The following GZMM variants were observed in gnomAD, a reference collection of about 807,000 sequenced individuals.
The protein encoded by GZMM is granzyme M.
Under a neutral mutation model 19.2 loss-of-function variants are expected in GZMM, and 23 were observed. That is an observed-to-expected ratio of 1.20 (90% CI 0.86 to 1.69). The LOEUF is 1.69. GZMM is among the 40% of genes most tolerant of loss of function. The probability of loss-of-function intolerance (pLI) is 0.00; values close to 1 mark genes in which losing one functional copy is unlikely to be tolerated. For missense variants in GZMM, 373 were observed against 352.2 expected, an observed-to-expected ratio of 1.06 and a Z score of -0.47; for synonymous variants, 178 against 160.2, an observed-to-expected ratio of 1.11 and a Z score of -0.84.
chr19:546,110 T>C (rs559244961), intron 1 of GZMM, among the ~76,000 whole-genome samples: 25 of 152,278 alleles, frequency 1.6e-4, no homozygotes, highest in African/African-American at 5.8e-4. Flanking sequence ...CAAAGCATGA[T>C]GGGGATTCAG....
In GZMM at chr19:545,642, C is replaced by T. The variant is rs572369292; in HGVS notation, c.55+1516C>T. On this transcript the variant is annotated intron_variant, in intron 1 of 4. Transcript: ENST00000264553. ...GATTACAGGCGTGAGCCACCGCGCC[C>T]GGCCTATTTTTTTTTTTTAAGATGG... is the stretch of plus-strand genomic sequence containing the variant. Among the ~76,000 whole-genome samples, 114 of 150,776 alleles carry T rather than the reference C, an allele frequency of 7.6e-4. 1 individual carries two copies. In the Middle Eastern group the frequency reaches 0.014, roughly 19 times the overall value.
At chr19:545,118 C>G (rs997096664) in intron 1 of GZMM, among the ~76,000 whole-genome samples, 1 of 151,560 alleles carries the variant, frequency 6.6e-6, no homozygotes. Context: ...TCCTTTCTCC[C>G]GTGCTTCTGT....
chr19:549,696 T>A lies in GZMM; in HGVS notation c.679T>A (p.Ser227Thr). 1 of 1,613,804 alleles carries A rather than the reference T, an allele frequency of 6.2e-7. No individual in the cohort carries two copies. Among genetic ancestry groups the A allele is most frequent in the Non-Finnish European group, 8.5e-7 (1 of 1,179,904 alleles). ...GTTGGCCAGAGTCCTGTCCTTCAGC[T>A]CCAGGGTCTGCACTGACATCTTCAA... The part of the protein sequence containing the change: ...RVLARVLSFS[S>T]RVCTDIFKPP... The change falls in exon 5 of 5, where the codon TCC (serine) becomes ACC (threonine). Residue 227 changes from serine (S) to threonine (T), a missense_variant. Ser to Thr is a moderately conservative substitution (Grantham distance 58). Transcript: ENST00000264553.
chr19:547,540 C>T (rs948004680), intron 2 of GZMM, 104 bp downstream of exon 2: 2 of 899,540 alleles, frequency 2.2e-6, no homozygotes, highest in East Asian at 6.4e-5. Flanking sequence ...CATTGTGGGA[C>T]CCCCGTCCCC....
rs1173818534 is a variant in GZMM at position 544,141 on chromosome 19, G to T, written c.55+15G>T. ...CCTGTCAGTAGGTGAGTGGGAGCCG[G>T]GATGCAGGGGGGACACTGAGGCCCA... On this transcript the variant is annotated intron_variant, in intron 1 of 4. Coordinates refer to ENST00000264553, the MANE Select transcript of GZMM (RefSeq NM_005317.4). The T allele has an allele frequency of 9.7e-6, 15 of 1,548,756 alleles. No homozygotes were observed. In the Admixed American group the frequency reaches 2.9e-4, roughly 30 times the overall value.
intron 1 of GZMM, among the ~76,000 whole-genome samples, chr19:546,109 A>G (rs540212825): frequency 1.3e-5 from 2 of 152,272 alleles, no homozygotes; most frequent in East Asian, 3.9e-4. Context: ...TCAAAGCATG[A>G]TGGGGATTCA....
In GZMM at chr19:548,914, A is replaced by G; in HGVS notation, c.349-8A>G. 6.6e-7 allele frequency: 1 copy of G among 1,518,800 alleles called. No homozygotes were observed. The highest frequency in any genetic ancestry group is 8.8e-7 in the Non-Finnish European group (1 of 1,130,300). The allele number at this position is 1,518,800 out of a possible 1,614,324, so 94.1% of individuals were successfully genotyped here. A position where few individuals can be genotyped will look rare whatever the true frequency, so the allele number is the denominator to read the frequency against. ...CCCTGCTCACCTGCCCCTTCCTGTC[A>G]CTCGTAGCTGGACGGGAAAGTGAAG... is the stretch of plus-strand genomic sequence containing the variant. On this transcript the variant is annotated splice_polypyrimidine_tract_variant and splice_region_variant and intron_variant, in intron 3 of 4. Coordinates refer to ENST00000264553, the MANE Select transcript of GZMM (RefSeq NM_005317.4).
At chr19:544,975 C>T (rs1032337070) in intron 1 of GZMM, among the ~76,000 whole-genome samples, 6 of 150,354 alleles carry the variant, frequency 4.0e-5, no homozygotes, top group African/African-American at 7.3e-5. Context: ...CCCTCCTTCC[C>T]TCCACCCGTC....
intron 3 of GZMM, 78 bp downstream of exon 3, chr19:548,755 C>CT: frequency 4.7e-6 from 6 of 1,288,608 alleles, no homozygotes; most frequent in Non-Finnish European, 6.5e-6. Context: ...TGCGCCCTCC[C>CT]CCCGCTGCCG....
chr19:549,883 C>G lies in GZMM; in HGVS notation c.*92C>G. The G allele has an allele frequency of 1.7e-6, 1 of 589,974 alleles. No homozygotes were observed. The highest frequency in any genetic ancestry group is 1.6e-5 in the South Asian group (1 of 60,716). 36.5% of individuals were successfully genotyped at this position (589,974 alleles called of 1,614,324 possible). A position where few individuals can be genotyped will look rare whatever the true frequency, so the allele number is the denominator to read the frequency against. On this transcript the variant is annotated 3_prime_UTR_variant, in exon 5 of 5. Transcript: ENST00000264553. ...GGTGGGTGAGGACGGGTGGGAGGGA[C>G]AGGGAGGGACCAATAAATCATAATG... is the stretch of plus-strand genomic sequence containing the variant.
chr19:549,502 C>T (rs547224436), intron 4 of GZMM, 128 bp from the exon 5 acceptor site: 90 of 976,762 alleles, frequency 9.2e-5, no homozygotes, highest in Non-Finnish European at 1.1e-4. Context: ...ACGCGTGGGC[C>T]GGGAGCAGCC....
At chr19:544,889 C>T (rs1183142964) in intron 1 of GZMM, among the ~76,000 whole-genome samples, 1 of 150,682 alleles carries the variant, frequency 6.6e-6, no homozygotes, top group Non-Finnish European at 1.5e-5. Flanking sequence ...TCCGCCAGTC[C>T]ATCCACCCAT....
At chr19:546,761 C>T (rs923246526) in intron 1 of GZMM, among the ~76,000 whole-genome samples, 1 of 151,990 alleles carries the variant, frequency 6.6e-6, no homozygotes, top group South Asian at 2.1e-4. Flanking sequence ...TGGCATGAAC[C>T]CAGGAGGCGG....
chr19:545,099 A>ATCCCTCCTTCCTCCCTCCCTTCT (rs370859891), intron 1 of GZMM, among the ~76,000 whole-genome samples: 1 of 141,242 alleles, frequency 7.1e-6, no homozygotes, highest in Admixed American at 7.0e-5. Flanking sequence ...TCCTCCTTCC[A>ATCCCTCCTTCCTCCCTCCCTTCT]TCCCTCCTTC....
At position 548,974 on chromosome 19, in the gene GZMM, G is replaced by C. The variant is rs199699879; in HGVS notation, c.401G>C (p.Ser134Thr). The change falls in exon 4 of 5, where the codon AGT becomes ACT. Residue 134 changes from serine to threonine, a missense_variant. Coordinates refer to ENST00000264553, the MANE Select transcript of GZMM (RefSeq NM_005317.4). The stretch of plus-strand genomic sequence containing the variant: ...ACCATCCGGCCGTTGGCCCTGCCCA[G>C]TAAGCGCCAGGTGGTGGCAGCAGGG... Reference protein sequence around the residue: ...SRTIRPLALPSKRQVVAAGTR... With the variant: ...SRTIRPLALPTKRQVVAAGTR... 1 of 1,601,774 alleles carries C rather than the reference G, an allele frequency of 6.2e-7. No individual in the cohort carries two copies. Among genetic ancestry groups the C allele is most frequent in the South Asian group, 1.1e-5 (1 of 89,848 alleles).
At chr19:546,770 G>A (rs532126463) in intron 1 of GZMM, among the ~76,000 whole-genome samples, 15 of 152,054 alleles carry the variant, frequency 9.9e-5, no homozygotes, top group South Asian at 2.1e-4. Context: ...CCCAGGAGGC[G>A]GAGCTTGCAG....
chr19:549,494 G>A (rs1468090707), intron 4 of GZMM, 136 bp from the exon 5 acceptor site: 13 of 897,310 alleles, frequency 1.4e-5, no homozygotes, highest in Middle Eastern at 3.5e-4. Context: ...GAGGGGACAC[G>A]CGTGGGCCGG....
chr19:546,349 G>A (rs1980280252), intron 1 of GZMM, among the ~76,000 whole-genome samples: 1 of 151,230 alleles, frequency 6.6e-6, no homozygotes, highest in African/African-American at 2.4e-5. Flanking sequence ...GGCCAGCCTG[G>A]CCAACACGGC....
Position 547,295 on chromosome 19 carries a change from C to A in GZMM, c.71C>A (p.Thr24Asn). ...GALSVGSSFG[T>N]QIIGGREVIP... is the part of the protein sequence containing the mutation. ...ATCCTGGCAGGCAGCTCCTTTGGGA[C>A]CCAGATCATCGGGGGCCGGGAGGTG... The change falls in exon 2 of 5, where the codon ACC (threonine) becomes AAC (asparagine). Residue 24 changes from threonine to asparagine, a missense_variant. Physicochemically the swap from Thr to Asn is moderately conservative, Grantham distance 65. Coordinates refer to ENST00000264553, the MANE Select transcript of GZMM (RefSeq NM_005317.4). The A allele has an allele frequency of 6.5e-7, 1 of 1,541,546 alleles. No homozygotes were observed. Among genetic ancestry groups the A allele is most frequent in the South Asian group, 1.2e-5 (1 of 81,324 alleles).
Sources: allele counts gnomAD v4.1 joint callset (sites outside exome capture counted in the v4.1 genomes callset), GRCh38; gene constraint gnomAD v4.1.1; transcripts MANE v1.5; gene names NCBI Gene and HGNC (gene_info 2026-07-23, HGNC 2026-07-21).